Variants in ARHGEF4 observed in about 807,000 individuals in gnomAD.
ARHGEF4 encodes the protein Rho guanine nucleotide exchange factor 4.
A neutral mutation model predicts 162.0 loss-of-function variants in ARHGEF4; 119 were observed. The ratio of observed to expected loss-of-function variants is 0.73; its 90% CI spans 0.63 to 0.86. ARHGEF4 has a LOEUF of 0.86. Ranked by LOEUF, ARHGEF4 falls within the 40% of genes least tolerant of loss-of-function variation. ARHGEF4 has a pLI of 0.00. For synonymous variants in ARHGEF4, 1,014 were observed against 979.9 expected (o/e 1.03, Z -0.65); for missense variants, 2,488 against 2,456.0 (o/e 1.01, Z -0.28).
At chr2:130,886,010 G>A (rs1356636452) in intron 1 of ARHGEF4, among the ~76,000 whole-genome samples, 1 of 152,042 alleles carries the variant, frequency 6.6e-6, no homozygotes, top group African/African-American at 2.4e-5. Context: ...GAAGCCTCTG[G>A]AAACCCCTTC....
chr2:131,041,008 G>A (rs960955102), intron 8 of ARHGEF4, among the ~76,000 whole-genome samples: 2 of 152,132 alleles, frequency 1.3e-5, no homozygotes, highest in African/African-American at 4.8e-5. Flanking sequence ...GAAGGCTAGC[G>A]TGCAGCCGGG....
At chr2:131,035,901 G>A (rs1257312028) in intron 5 of ARHGEF4, 8 of 981,322 alleles carry the variant, frequency 8.2e-6, no homozygotes, top group Non-Finnish European at 9.7e-6. Flanking sequence ...GAGCCTGGCA[G>A]CGTTGCCCTT....
chr2:131,004,275 C>T (rs1687970386), intron 4 of ARHGEF4, among the ~76,000 whole-genome samples: 1 of 152,188 alleles, frequency 6.6e-6, no homozygotes. Flanking sequence ...ATGCCATTCT[C>T]CTGCCTCAGC....
In ARHGEF4 at chr2:130,982,982, T is replaced by C. The variant is rs533669136; in HGVS notation, c.3985+36347T>C. Among the ~76,000 whole-genome samples the C allele has an allele frequency of 5.3e-5, 8 of 152,342 alleles. No homozygotes were observed. The South Asian group carries it at 8.3e-4, about 16-fold the overall frequency. On this transcript the variant is annotated intron_variant, in intron 4 of 13. Transcript: ENST00000409359. ...GCAAGAAATCCTGAACTATCAGATA[T>C]GAACATTTTATATAGTTAAGAACAG...
At chr2:130,838,448 A>C (rs1331839121) in intron 1 of ARHGEF4, among the ~76,000 whole-genome samples, 1 of 152,270 alleles carries the variant, frequency 6.6e-6, no homozygotes, top group East Asian at 1.9e-4. Context: ...TCTACTAAAA[A>C]TACAAAAATC....
At chr2:131,011,250 T>A (rs997505714) in intron 4 of ARHGEF4, among the ~76,000 whole-genome samples, 2 of 152,194 alleles carry the variant, frequency 1.3e-5, no homozygotes, top group African/African-American at 4.8e-5. Flanking sequence ...CACCTGACCT[T>A]TTCAGCCTCA....
chr2:130,867,784 T>G (rs1421774775), intron 1 of ARHGEF4, among the ~76,000 whole-genome samples: 1 of 152,152 alleles, frequency 6.6e-6, no homozygotes, highest in Non-Finnish European at 1.5e-5. Context: ...GGAACTTGCC[T>G]CAGCATCCTT....
At chr2:130,850,113 G>C (rs1681296677) in intron 1 of ARHGEF4, among the ~76,000 whole-genome samples, 1 of 152,120 alleles carries the variant, frequency 6.6e-6, no homozygotes, top group African/African-American at 2.4e-5. Flanking sequence ...TCAACCTCCT[G>C]GCCCCATGGG....
At chr2:130,962,547 T>C (rs958824535) in intron 4 of ARHGEF4, among the ~76,000 whole-genome samples, 14 of 152,212 alleles carry the variant, frequency 9.2e-5, no homozygotes, top group African/African-American at 3.4e-4. Flanking sequence ...GGAGAAAGCG[T>C]CTATGAAGCT....
At position 130,915,895 on chromosome 2, in the gene ARHGEF4, C is replaced by T; in HGVS notation, c.1949C>T (p.Pro650Leu). The stretch of plus-strand genomic sequence containing the variant: ...CAGGCCAGCAGGAGCAATGCGGGGC[C>T]TGTTCCAGAAACACTGCCCCGTGAC... ...GLQASRSNAGPVPETLPRDFP... is the reference protein window; with the variant it reads ...GLQASRSNAGLVPETLPRDFP... Residue 650 changes from proline to leucine, a missense_variant, in exon 2 of 14, where the codon CCT becomes CTT. Pro to Leu is a moderately conservative substitution (Grantham distance 98). Around this residue, in one of 6 missense-constraint regions of ARHGEF4, gnomAD observed 1,642 missense variants for 1,481.5 expected, o/e 1.11. Transcript: ENST00000409359. 1 of 1,550,266 alleles carries T rather than the reference C, an allele frequency of 6.5e-7. No homozygotes were observed. Among genetic ancestry groups the T allele is most frequent in the African/African-American group, 1.4e-5 (1 of 73,190 alleles).
At chr2:130,874,550 C>T (rs138280466) in intron 1 of ARHGEF4, among the ~76,000 whole-genome samples, 107 of 152,314 alleles carry the variant, frequency 7.0e-4, no homozygotes, top group East Asian at 5.4e-3. Flanking sequence ...AGTGGGAATA[C>T]GACTGCTTTC....
intron 2 of ARHGEF4, among the ~76,000 whole-genome samples, chr2:130,918,538 C>T (rs913864900): frequency 6.6e-6 from 1 of 152,220 alleles, no homozygotes; most frequent in Non-Finnish European, 1.5e-5. Flanking sequence ...CCACCCCACG[C>T]GGTGGCCTCT....
chr2:130,899,663 G>A (rs979935514), intron 1 of ARHGEF4, among the ~76,000 whole-genome samples: 2 of 152,218 alleles, frequency 1.3e-5, no homozygotes, highest in African/African-American at 2.4e-5. Flanking sequence ...TCTGGGGATG[G>A]AGAGGACTGT....
chr2:130,837,006 TC>T lies in ARHGEF4; in HGVS notation c.39+16del, dbSNP rs1288831823. On this transcript the variant is annotated intron_variant, in intron 1 of 13. Transcript: ENST00000409359. ...AGCTTCTTCAAGGTGAGAGCCGGCGTCCGGGACTTGCGGTCGGGCTCCCGGC... is the reference window on the plus strand; with the variant it reads ...AGCTTCTTCAAGGTGAGAGCCGGCGTCGGGACTTGCGGTCGGGCTCCCGGC... 1 of 1,226,768 alleles carries T rather than the reference TC, an allele frequency of 8.2e-7. No homozygotes were observed. The highest frequency in any genetic ancestry group is 1.0e-6 in the Non-Finnish European group (1 of 984,844). 76.0% of individuals were successfully genotyped at this position (1,226,768 alleles called of 1,614,324 possible).
At chr2:131,021,418 G>A (rs955693806) in intron 4 of ARHGEF4, among the ~76,000 whole-genome samples, 1 of 152,106 alleles carries the variant, frequency 6.6e-6, no homozygotes, top group Admixed American at 6.5e-5. Context: ...GGGAAAACTG[G>A]CTAGCCATAT....
At chr2:130,876,512 C>T (rs903072146) in intron 1 of ARHGEF4, among the ~76,000 whole-genome samples, 8 of 152,196 alleles carry the variant, frequency 5.3e-5, no homozygotes, top group African/African-American at 1.9e-4. Flanking sequence ...CTGCCTCAGC[C>T]TCCTGAGTAG....
rs902624897 is a variant in ARHGEF4, at chr2:131,039,997, G to A, written c.4306-19G>A. 1.7e-5 allele frequency: 27 copies of A among 1,549,642 alleles called. No individual in the cohort carries two copies. Among genetic ancestry groups the A allele is most frequent in the Admixed American group, 5.9e-5 (3 of 51,056 alleles). On this transcript the variant is annotated intron_variant, in intron 6 of 13. Transcript: ENST00000409359. Reference sequence around the variant, plus strand: ...CTCCGAGGGATGCGGGGCACTGACCGGCCACGCATGGCCTGCAGCTGAGGG... The same window carrying A: ...CTCCGAGGGATGCGGGGCACTGACCAGCCACGCATGGCCTGCAGCTGAGGG...
chr2:131,039,904 G>A (rs1320273372), intron 6 of ARHGEF4, 112 bp from the exon 7 acceptor site: 6 of 1,462,676 alleles, frequency 4.1e-6, no homozygotes, highest in Non-Finnish European at 5.4e-6. Context: ...TCAGCCCTGC[G>A]CCCCGTACAC....
chr2:131,010,800 T>G (rs949529179), intron 4 of ARHGEF4, among the ~76,000 whole-genome samples: 3 of 152,236 alleles, frequency 2.0e-5, no homozygotes, highest in African/African-American at 7.2e-5. Context: ...GGGGTTACTT[T>G]GTTGTGCACT....
Sources: allele counts gnomAD v4.1 joint callset (sites outside exome capture counted in the v4.1 genomes callset), GRCh38; gene constraint gnomAD v4.1.1; regional missense constraint gnomAD v4.1.1; transcripts MANE v1.5; gene names NCBI Gene and HGNC (gene_info 2026-07-23, HGNC 2026-07-21).